Variants in SCRN1 observed in about 807,000 individuals in gnomAD.
The protein encoded by SCRN1 is secernin 1, also known as secernin-1.
Under a neutral mutation model 43.3 loss-of-function variants are expected in SCRN1, and 19 were observed. The observed-to-expected ratio is 0.44, with a 90% CI of 0.31 to 0.64. The LOEUF (loss-of-function observed/expected upper bound fraction) is 0.64. Ranked by LOEUF, SCRN1 falls within the 30% of genes least tolerant of loss-of-function variation. The pLI, the probability that SCRN1 is intolerant of heterozygous loss-of-function variation, is 0.09. For synonymous variants in SCRN1, 183 were observed against 188.9 expected (o/e 0.97, Z 0.26); for missense variants, 447 against 524.1 (o/e 0.85, Z 1.44).
intron 1 of SCRN1, among the ~76,000 whole-genome samples, chr7:29,977,503 G>C (rs1197049806): frequency 6.6e-6 from 1 of 152,136 alleles, no homozygotes; most frequent in East Asian, 1.9e-4. Flanking sequence ...TAAAAATTGG[G>C]ATGTAAATGC....
chr7:29,968,289 A>G (rs973619227), intron 2 of SCRN1, among the ~76,000 whole-genome samples: 1 of 152,206 alleles, frequency 6.6e-6, no homozygotes, highest in Non-Finnish European at 1.5e-5. Flanking sequence ...AACACCATGC[A>G]GCTCTAAATG....
chr7:29,949,218 G>C (rs1435156356), intron 3 of SCRN1, among the ~76,000 whole-genome samples: 2 of 151,580 alleles, frequency 1.3e-5, no homozygotes, highest in Non-Finnish European at 2.9e-5. Flanking sequence ...GGGAGGCTGA[G>C]GCAGGAGAAT....
intron 6 of SCRN1, among the ~76,000 whole-genome samples, chr7:29,934,654 G>A (rs555436454): frequency 2.6e-5 from 4 of 152,280 alleles, no homozygotes; most frequent in Admixed American, 1.3e-4. Flanking sequence ...AATCTGGTGG[G>A]ACAAAAAGTG....
At chr7:29,986,756 G>A (rs1399872080) in intron 1 of SCRN1, among the ~76,000 whole-genome samples, 7 of 117,988 alleles carry the variant, frequency 5.9e-5, no homozygotes, top group African/African-American at 2.0e-4. Flanking sequence ...ACGGAGTCTC[G>A]CTCTGTCGCC....
At chr7:29,989,819 C>A, upstream of SCRN1, 10 of 986,674 alleles carry the variant, frequency 1.0e-5, no homozygotes, top group Non-Finnish European at 1.2e-5. Context: ...TGGGGCCCGC[C>A]GCCCCCCGCA....
intron 6 of SCRN1, 81 bp downstream of exon 6, chr7:29,936,475 A>G: frequency 1.6e-6 from 2 of 1,282,826 alleles, no homozygotes; most frequent in South Asian, 2.0e-5. Flanking sequence ...GGACATGGTC[A>G]GGCGCTTACT....
At chr7:29,942,054 G>A (rs1028513636) in intron 4 of SCRN1, among the ~76,000 whole-genome samples, 2 of 152,190 alleles carry the variant, frequency 1.3e-5, no homozygotes, top group Non-Finnish European at 2.9e-5. Flanking sequence ...TGGCTGGTAG[G>A]CATTGGTCCT....
chr7:29,970,966 CAGG>C (rs1296017895), intron 1 of SCRN1, among the ~76,000 whole-genome samples: 2 of 152,210 alleles, frequency 1.3e-5, no homozygotes, highest in Non-Finnish European at 2.9e-5. Context: ...TCCCTGAAGG[CAGG>C]ACTGATGCCA....
chr7:29,963,455 C>T lies in SCRN1; in HGVS notation c.159+5454G>A, dbSNP rs544536313. ...GCAAAGGACAGAAAGAGCAAAAGCA[C>T]AGAAAAATGCAAGTGTGTTATTTGT... On this transcript the variant is annotated intron_variant, in intron 2 of 7. Transcript: ENST00000242059. 3.3e-5 allele frequency among the ~76,000 whole-genome samples: 5 copies of T among 152,266 alleles called. No homozygotes were observed. The South Asian group carries it at 1.0e-3, about 32-fold the overall frequency.
chr7:29,974,488 G>A (rs1206556823), intron 1 of SCRN1, among the ~76,000 whole-genome samples: 1 of 152,064 alleles, frequency 6.6e-6, no homozygotes, highest in Non-Finnish European at 1.5e-5. Flanking sequence ...GGAAGCCAGA[G>A]CTCTCATGAA....
chr7:29,961,836 C>G (rs953434961), intron 2 of SCRN1, among the ~76,000 whole-genome samples: 3 of 152,176 alleles, frequency 2.0e-5, no homozygotes, highest in Non-Finnish European at 4.4e-5. Context: ...CTGACCCCCC[C>G]ACTGGAGGAT....
intron 2 of SCRN1, among the ~76,000 whole-genome samples, chr7:29,966,225 C>T (rs1156620892): frequency 6.9e-6 from 1 of 145,120 alleles, no homozygotes; most frequent in Non-Finnish European, 1.5e-5. Flanking sequence ...TTTTATGGCC[C>T]AGCCCTGGAA....
chr7:29,961,516 ACCTTTCCCG>A (rs2128095716), intron 2 of SCRN1, among the ~76,000 whole-genome samples: 1 of 147,672 alleles, frequency 6.8e-6, no homozygotes, highest in South Asian at 2.2e-4. Flanking sequence ...TCTTTTCCCC[ACCTTTCCCG>A]CCTTTCTATT....
chr7:29,921,529 A>T lies in SCRN1; in HGVS notation c.*2428T>A, dbSNP rs1391720681. 1 of 152,248 alleles carries T rather than the reference A, an allele frequency of 6.6e-6. No homozygotes were observed. The highest frequency in any genetic ancestry group is 2.4e-5 in the African/African-American group (1 of 41,458). The allele number at this position is 152,248 out of a possible 1,614,324, so 9.4% of individuals were successfully genotyped here. On this transcript the variant is annotated 3_prime_UTR_variant, in exon 8 of 8. Transcript: ENST00000242059. ...CGTCTTTCTCCACCCATCCCAATGC[A>T]CAACTGTCAACTGTGCTTATAGACC...
intron 6 of SCRN1, among the ~76,000 whole-genome samples, chr7:29,934,923 C>T (rs1787275736): frequency 6.6e-6 from 1 of 152,228 alleles, no homozygotes; most frequent in South Asian, 2.1e-4. Context: ...AGCCCGTGGT[C>T]ATGTGGTTTC....
At position 29,923,740 on chromosome 7, in the gene SCRN1, G is replaced by T; in HGVS notation, c.*217C>A. 1 of 497,740 alleles carries T rather than the reference G, an allele frequency of 2.0e-6. No homozygotes were observed. The highest frequency in any genetic ancestry group is 3.5e-6 in the Non-Finnish European group (1 of 282,488). 30.8% of individuals were successfully genotyped at this position (497,740 alleles called of 1,614,324 possible). A position where few individuals can be genotyped will look rare whatever the true frequency, so the allele number is the denominator to read the frequency against. On this transcript the variant is annotated 3_prime_UTR_variant, in exon 8 of 8. Coordinates refer to ENST00000242059, the MANE Select transcript of SCRN1 (RefSeq NM_014766.5). ...GTCACACAACCGAACAACAGGCAAC[G>T]GGATACATGTTACACTGCACAGGAA...
chr7:29,955,294 G>A lies in SCRN1; in HGVS notation c.226C>T (p.Leu76Phe), dbSNP rs750967923. ...TTGGCTCCCATTTCTGCTCCCCAGA[G>A]CCAGGCGGGTCTGCTTATCATTATG... ...YAIMISRPAW[L>F]WGAEMGANEH... The change falls in exon 3 of 8, where the codon CTC (leucine) becomes TTC (phenylalanine). Residue 76 changes from leucine to phenylalanine, a missense_variant. Coordinates refer to ENST00000242059, the MANE Select transcript of SCRN1 (RefSeq NM_014766.5). 6.2e-7 allele frequency: 1 copy of A among 1,614,174 alleles called. No individual in the cohort carries two copies. The highest frequency in any genetic ancestry group is 8.5e-7 in the Non-Finnish European group (1 of 1,180,022).
intron 3 of SCRN1, 114 bp from the exon 4 acceptor site, chr7:29,944,293 A>G: frequency 1.2e-6 from 1 of 829,568 alleles, no homozygotes; most frequent in Non-Finnish European, 2.0e-6. Context: ...ATGTGTAAAC[A>G]TGTTAAGTCT....
intron 1 of SCRN1, among the ~76,000 whole-genome samples, chr7:29,983,268 G>A (rs56376588): frequency 0.093 from 12,669 of 136,676 alleles, 740 homozygotes; most frequent in Admixed American, 0.17. Context: ...CCTCAATGAA[G>A]AAAACTCTTA....
Sources: allele counts gnomAD v4.1 joint callset (sites outside exome capture counted in the v4.1 genomes callset), GRCh38; gene constraint gnomAD v4.1.1; transcripts MANE v1.5; gene names NCBI Gene and HGNC (gene_info 2026-07-23, HGNC 2026-07-21).